DDX5: variants seen among roughly 807,000 people sequenced by gnomAD.
DDX5 encodes DEAD-box helicase 5, also known as probable ATP-dependent RNA helicase DDX5.
In DDX5, 6 loss-of-function variants were observed where a neutral mutation model predicts 68.6. The ratio of observed to expected loss-of-function variants is 0.09; its 90% confidence interval spans 0.05 to 0.17. The LOEUF (loss-of-function observed/expected upper bound fraction) is 0.17, where lower values mean the gene tolerates loss of function less well. Among genes scored for constraint, DDX5 ranks in the 10% least tolerant of loss-of-function variants. The pLI, the probability that DDX5 is intolerant of heterozygous loss-of-function variation, is 1.00. For synonymous variants in DDX5, 350 were observed against 247.0 expected, an observed-to-expected ratio of 1.42 and a Z score of -3.91; for missense variants, 499 against 756.1, an observed-to-expected ratio of 0.66 and a Z score of 3.99.
At chr17:64,502,698 G>A (rs533855328) in intron 8 of DDX5, 149 bp from the exon 9 acceptor site, 4 of 727,984 alleles carry the variant, frequency 5.5e-6, no homozygotes, top group Admixed American at 5.8e-5. Context: ...CGAGCAGTTC[G>A]ACCCTTGGTC....
chr17:64,503,797 A>C lies in DDX5; in HGVS notation c.507+6T>G. 1 of 1,612,192 alleles carries C rather than the reference A, an allele frequency of 6.2e-7. No individual in the cohort carries two copies. Among genetic ancestry groups the C allele is most frequent in the Non-Finnish European group, 8.5e-7 (1 of 1,179,274 alleles). ...TTCTAATAAAAAGTTAAAAATATAT[A>C]CTTACAATAGGCCCATCGCCTCTCT... On this transcript the variant is annotated splice_donor_region_variant and intron_variant, in intron 5 of 12. Transcript: ENST00000225792.
In DDX5 at chr17:64,503,243, C is replaced by G; in HGVS notation, c.755G>C (p.Arg252Thr). 1 of 1,614,200 alleles carries G rather than the reference C, an allele frequency of 6.2e-7. No individual in the cohort carries two copies. The highest frequency in any genetic ancestry group is 8.5e-7 in the Non-Finnish European group (1 of 1,180,030). Residue 252 changes from arginine (R) to threonine (T), a missense_variant, in exon 7 of 13, where the codon AGA becomes ACA. Coordinates refer to ENST00000225792, the MANE Select transcript of DDX5 (RefSeq NM_004396.5). ...TTYLVLDEAD[R>T]MLDMGFEPQI... ...GGGTTCAAAGCCCATATCAAGCATT[C>G]TATCTGCTTCATCAAGGACAAGGTA...
intron 11 of DDX5, 49 bp downstream of exon 11, chr17:64,501,961 A>G (rs2038307407): frequency 6.4e-7 from 1 of 1,574,526 alleles, no homozygotes; most frequent in African/African-American, 1.4e-5. Flanking sequence ...AAAAAAGTTA[A>G]ATGGAGATCT....
intron 11 of DDX5, 35 bp downstream of exon 11, chr17:64,501,975 G>A (rs374044908): frequency 1.2e-6 from 2 of 1,601,334 alleles, no homozygotes; most frequent in African/African-American, 2.7e-5. Context: ...GAGATCTTCT[G>A]GGAAACCAAG....
chr17:64,505,348 C>T, intron 1 of DDX5: 1 of 409,486 alleles, frequency 2.4e-6, no homozygotes, highest in South Asian at 3.0e-5. Context: ...TGCTAGCAAA[C>T]CCAGCTGGGG....
chr17:64,506,367 G>A, upstream of DDX5: 2 of 1,424,574 alleles, frequency 1.4e-6, no homozygotes, highest in East Asian at 2.6e-5. Context: ...GCCGCTCTAT[G>A]ACCTAATCGC....
At chr17:64,503,946 A>G (rs1555671596) in intron 4 of DDX5, 37 bp downstream of exon 4, 1 of 1,614,076 alleles carries the variant, frequency 6.2e-7, no homozygotes, top group South Asian at 1.1e-5. Context: ...ATTTTCTTGC[A>G]TATATCAGAT....
At position 64,499,173 on chromosome 17, in the gene DDX5, G is replaced by A. The variant is rs1555670418; in HGVS notation, c.*750C>T. On this transcript the variant is annotated 3_prime_UTR_variant, in exon 13 of 13. Coordinates refer to ENST00000225792, the MANE Select transcript of DDX5 (RefSeq NM_004396.5). ...TTGTTCAACATTTCAGTAATTCACA[G>A]TATAGCCAAGAGCATGAGTATAAGT... Among the ~76,000 whole-genome samples, 1 of 152,192 alleles carries A rather than the reference G, an allele frequency of 6.6e-6. No individual in the cohort carries two copies. Among genetic ancestry groups the A allele is most frequent in the African/African-American group, 2.4e-5 (1 of 41,422 alleles).
chr17:64,503,936 A>C, intron 4 of DDX5, 47 bp downstream of exon 4: 1 of 1,613,670 alleles, frequency 6.2e-7, no homozygotes, highest in Non-Finnish European at 8.5e-7. Context: ...TTACCATTAC[A>C]TTTTCTTGCA....
Position 64,498,878 on chromosome 17 carries a change from T to C in DDX5, c.*1045A>G, listed in dbSNP as rs1206294998. ...ATGAAAACTTTCATTCACTGTGCTTTTGGTTACGTTGCCTCCTGATTAGTC... is the reference window on the plus strand; with the variant it reads ...ATGAAAACTTTCATTCACTGTGCTTCTGGTTACGTTGCCTCCTGATTAGTC... On this transcript the variant is annotated 3_prime_UTR_variant, in exon 13 of 13. Transcript: ENST00000225792. 6.6e-6 allele frequency among the ~76,000 whole-genome samples: 1 copy of C among 152,252 alleles called. No homozygotes were observed. Among genetic ancestry groups the C allele is most frequent in the Non-Finnish European group, 1.5e-5 (1 of 68,044 alleles).
chr17:64,504,869 A>AT, intron 1 of DDX5, 27 bp from the exon 2 acceptor site: 1 of 1,586,464 alleles, frequency 6.3e-7, no homozygotes, highest in African/African-American at 1.4e-5. Context: ...CGTTATTCAC[A>AT]TTTTCAAATG....
chr17:64,506,018 T>TGGGG, intron 1 of DDX5, 58 bp downstream of exon 1: 1 of 1,309,552 alleles, frequency 7.6e-7, no homozygotes, highest in Non-Finnish European at 1.1e-6. Flanking sequence ...GCCGCCACCC[T>TGGGG]GACCCGCCCT....
intron 1 of DDX5, chr17:64,505,416 G>C (rs782815839): frequency 3.7e-6 from 2 of 537,356 alleles, no homozygotes; most frequent in East Asian, 3.1e-5. Context: ...CAGGAAAAAA[G>C]AAAAGGAGGA....
At position 64,503,313 on chromosome 17, in the gene DDX5, T is replaced by C; in HGVS notation, c.685A>G (p.Ile229Val). ...GTTTTTCCACACTCTAAAAAGTCAATCAGTCTTCCAGGTGTTGCAATACAG... is the reference window on the plus strand; with the variant it reads ...GTTTTTCCACACTCTAAAAAGTCAACCAGTCTTCCAGGTGTTGCAATACAG... ...EICIATPGRL[I>V]DFLECGKTNL... Residue 229 changes from isoleucine (I) to valine (V), a missense_variant, in exon 7 of 13, where the codon ATT (isoleucine) becomes GTT (valine). Transcript: ENST00000225792. 1 of 1,614,238 alleles carries C rather than the reference T, an allele frequency of 6.2e-7. No individual in the cohort carries two copies. Among genetic ancestry groups the C allele is most frequent in the Non-Finnish European group, 8.5e-7 (1 of 1,180,040 alleles).
chr17:64,506,354 G>C (rs1052066444), upstream of DDX5: 10 of 1,449,586 alleles, frequency 6.9e-6, no homozygotes, highest in Non-Finnish European at 8.2e-6. Context: ...GGGAACGCTG[G>C]GAGCCGCTCT....
intron 1 of DDX5, 56 bp downstream of exon 1, chr17:64,506,020 A>ACCCCCCCCCCCC: frequency 1.2e-6 from 1 of 868,082 alleles, no homozygotes; most frequent in Admixed American, 2.3e-5. Context: ...CGCCACCCTG[A>ACCCCCCCCCCCC]CCCGCCCTCC....
rs781860675 is a variant in DDX5, at chr17:64,504,290, T to C, written c.239A>G (p.Lys80Arg). Residue 80 changes from lysine (K) to arginine (R), a missense_variant, in exon 3 of 13, where the codon AAG becomes AGG. Lys to Arg is a conservative substitution (Grantham distance 26). Coordinates refer to ENST00000225792, the MANE Select transcript of DDX5 (RefSeq NM_004396.5). ...GTTGTGACCTCTAACTGTAATTTCC[T>C]TGCTTCTTCTGTATGTTTCCACCTC... ...AQEVETYRRS[K>R]EITVRGHNCP... 1.7e-5 allele frequency: 28 copies of C among 1,614,140 alleles called. No homozygotes were observed. The highest frequency in any genetic ancestry group is 2.4e-5 in the Non-Finnish European group (28 of 1,180,014).
upstream of DDX5, chr17:64,506,698 G>C: frequency 2.6e-6 from 1 of 391,662 alleles, no homozygotes; most frequent in Non-Finnish European, 4.7e-6. Context: ...CCGAGAGAGC[G>C]GTCCGCACTA....
rs2038364534 is a variant in DDX5, at chr17:64,504,114, T to C, written c.310A>G (p.Asn104Asp). 6.2e-7 allele frequency: 1 copy of C among 1,613,974 alleles called. No individual in the cohort carries two copies. The highest frequency in any genetic ancestry group is 1.3e-5 in the African/African-American group (1 of 74,910). Residue 104 changes from asparagine to aspartate, a missense_variant and splice_region_variant, in exon 4 of 13, where the codon AAT (asparagine) becomes GAT (aspartate). Physicochemically the swap from Asn to Asp is conservative, Grantham distance 23. Coordinates refer to ENST00000225792, the MANE Select transcript of DDX5 (RefSeq NM_004396.5). Reference sequence around the variant, plus strand: ...TGTCTTGCAATAACATCCATGACATTTGCTATAATTAGTAACAGATATTTA... The same window carrying C: ...TGTCTTGCAATAACATCCATGACATCTGCTATAATTAGTAACAGATATTTA... ...LNFYEANFPA[N>D]VMDVIARQNF...
Sources: allele counts gnomAD v4.1 joint callset (sites outside exome capture counted in the v4.1 genomes callset), GRCh38; gene constraint gnomAD v4.1.1; transcripts MANE v1.5; gene names NCBI Gene and HGNC (gene_info 2026-07-23, HGNC 2026-07-21).